The following GALNT9 variants were observed in gnomAD, a reference collection of about 807,000 sequenced individuals.
GALNT9 encodes the protein polypeptide N-acetylgalactosaminyltransferase 9, also known as GalNAc transferase 9.
GALNT9 carries 47 observed loss-of-function variants against 63.1 expected under a neutral mutation model. That is an observed-to-expected ratio of 0.75 (90% CI 0.59 to 0.95). The LOEUF (loss-of-function observed/expected upper bound fraction) is 0.95. Among genes scored for constraint, GALNT9 ranks in the 40% least tolerant of loss-of-function variants. The probability of loss-of-function intolerance (pLI) is 0.00; values close to 1 mark genes in which losing one functional copy is unlikely to be tolerated. For synonymous variants in GALNT9, 396 were observed against 365.7 expected, an observed-to-expected ratio of 1.08 and a Z score of -0.94; for missense variants, 829 against 874.8, an observed-to-expected ratio of 0.95 and a Z score of 0.66.
At chr12:132,295,504 T>G (rs1881024272) in intron 1 of GALNT9, among the ~76,000 whole-genome samples, 1 of 152,180 alleles carries the variant, frequency 6.6e-6, no homozygotes, top group Non-Finnish European at 1.5e-5. Context: ...TCGGGTGGGC[T>G]CTGAGCCAAA....
At chr12:132,324,227 G>A (rs1349742220) in intron 1 of GALNT9, among the ~76,000 whole-genome samples, 1 of 152,124 alleles carries the variant, frequency 6.6e-6, no homozygotes, top group South Asian at 2.1e-4. Context: ...CGGAGCTCTC[G>A]AGGGAGAGTG....
In GALNT9 at chr12:132,222,620, G is replaced by A. The variant is rs1380203911; in HGVS notation, c.1078-18930C>T. ...AAGAAAGATGCAGCCGACGATGCGT[G>A]GAGCACTCAGGCTNGTTAGCCACGG... On this transcript the variant is annotated intron_variant, in intron 6 of 10. Coordinates refer to ENST00000328957, the MANE Select transcript of GALNT9 (RefSeq NM_001122636.2). Among the ~76,000 whole-genome samples the A allele has an allele frequency of 7.2e-5, 11 of 152,062 alleles. No individual in the cohort carries two copies. The East Asian group carries it at 2.1e-3, about 29-fold the overall frequency.
intron 6 of GALNT9, among the ~76,000 whole-genome samples, chr12:132,229,613 G>A: frequency 6.6e-6 from 1 of 152,240 alleles, no homozygotes; most frequent in East Asian, 1.9e-4. Flanking sequence ...CTGGGAGAGA[G>A]GCCGCCTGTG....
At chr12:132,208,545 G>T (rs578093182) in intron 6 of GALNT9, among the ~76,000 whole-genome samples, 4 of 152,198 alleles carry the variant, frequency 2.6e-5, no homozygotes, top group Non-Finnish European at 2.9e-5. Flanking sequence ...CACTCACACC[G>T]ATCTCTGTCT....
chr12:132,235,416 A>G (rs1483922107), intron 6 of GALNT9, among the ~76,000 whole-genome samples: 1 of 152,154 alleles, frequency 6.6e-6, no homozygotes, highest in Non-Finnish European at 1.5e-5. Context: ...AGAGGTGGAC[A>G]GGAGGAGAGA....
intron 1 of GALNT9, among the ~76,000 whole-genome samples, chr12:132,305,182 C>T (rs1239596408): frequency 3.9e-5 from 2 of 51,192 alleles, no homozygotes; most frequent in Non-Finnish European, 6.7e-5. Flanking sequence ...CCCGGGCACA[C>T]GCTCACCCAG....
intron 1 of GALNT9, among the ~76,000 whole-genome samples, chr12:132,287,864 A>G (rs1880665322): frequency 6.6e-6 from 1 of 151,920 alleles, no homozygotes; most frequent in African/African-American, 2.4e-5. Flanking sequence ...CCCCACAAAG[A>G]TGGCACCATT....
At chr12:132,215,136 T>C (rs867951199) in intron 6 of GALNT9, among the ~76,000 whole-genome samples, 3 of 152,060 alleles carry the variant, frequency 2.0e-5, no homozygotes, top group Non-Finnish European at 4.4e-5. Flanking sequence ...AGACGCCGGG[T>C]CTCCGCAGCT....
chr12:132,245,903 G>T lies in GALNT9; in HGVS notation c.1077+2007C>A, dbSNP rs1878690374. 6.6e-6 allele frequency among the ~76,000 whole-genome samples: 1 copy of T among 152,186 alleles called. No homozygotes were observed. The highest frequency in any genetic ancestry group is 2.1e-4 in the South Asian group (1 of 4,824). On this transcript the variant is annotated intron_variant, in intron 6 of 10. Coordinates refer to ENST00000328957, the MANE Select transcript of GALNT9 (RefSeq NM_001122636.2). The surrounding 1 kb of genome is among the most constrained non-coding windows in gnomAD (Gnocchi z 6.3). ...GTCCCCAGGACCACATCTGCTGGGT[G>T]CCCTCCACCCCAGGGGTCCCGTCCT...
chr12:132,207,869 T>C (rs968855204), intron 6 of GALNT9, among the ~76,000 whole-genome samples: 5 of 152,090 alleles, frequency 3.3e-5, no homozygotes, highest in Non-Finnish European at 7.4e-5. Flanking sequence ...CAACATCCCC[T>C]TTCCAATCCC....
chr12:132,288,210 C>T (rs182555406), intron 1 of GALNT9, among the ~76,000 whole-genome samples: 2 of 152,176 alleles, frequency 1.3e-5, no homozygotes, highest in Non-Finnish European at 2.9e-5. Flanking sequence ...CTCCGCCCCC[C>T]ACAGGGCAGT....
In GALNT9 at chr12:132,238,085, T is replaced by C. The variant is rs1878069282; in HGVS notation, c.1077+9825A>G. The stretch of plus-strand genomic sequence containing the variant: ...GGAGGTCACGTGTGTTTCCTGTGGC[T>C]GCCGTCCGCCACGAATTCCACAGCT... On this transcript the variant is annotated intron_variant, in intron 6 of 10. Transcript: ENST00000328957. The surrounding 1 kb of genome is among the most constrained non-coding windows in gnomAD (Gnocchi z 6.5). 6.6e-6 allele frequency among the ~76,000 whole-genome samples: 1 copy of C among 152,188 alleles called. No homozygotes were observed. Among genetic ancestry groups the C allele is most frequent in the South Asian group, 2.1e-4 (1 of 4,828 alleles).
chr12:132,256,606 AG>A (rs782402293), intron 5 of GALNT9, among the ~76,000 whole-genome samples: 324 of 69,176 alleles, frequency 4.7e-3, no homozygotes, highest in Non-Finnish European at 7.1e-3. Context: ...GGGACAGTGG[AG>A]GGGGAACACT....
chr12:132,230,072 C>T lies in GALNT9; in HGVS notation c.1077+17838G>A, dbSNP rs1406888685. Among the ~76,000 whole-genome samples, 5 of 152,302 alleles carry T rather than the reference C, an allele frequency of 3.3e-5. No homozygotes were observed. In the East Asian group the frequency reaches 7.7e-4, roughly 24 times the overall value. On this transcript the variant is annotated intron_variant, in intron 6 of 10. Transcript: ENST00000328957. ...GGCTGCATCCATCAACAGTCGCCAC[C>T]GGGTCATCCAAGGTGGGGCACAGAG...
intron 6 of GALNT9, among the ~76,000 whole-genome samples, chr12:132,212,913 C>T (rs1438200347): frequency 5.1e-5 from 6 of 116,548 alleles, no homozygotes; most frequent in African/African-American, 2.0e-4. Context: ...CTGCAGCTCT[C>T]AGACCGTGAC....
Position 132,196,730 on chromosome 12 carries a change from C to G in GALNT9, c.*377G>C. The G allele has an allele frequency of 4.9e-6, 5 of 1,017,782 alleles. No homozygotes were observed. Among genetic ancestry groups the G allele is most frequent in the Non-Finnish European group, 5.9e-6 (5 of 851,018 alleles). The allele number at this position is 1,017,782 out of a possible 1,614,324, so 63.0% of individuals were successfully genotyped here. A position where few individuals can be genotyped will look rare whatever the true frequency, so the allele number is the denominator to read the frequency against. On this transcript the variant is annotated 3_prime_UTR_variant, in exon 11 of 11. Transcript: ENST00000328957. ...ATGGGAGGCCTGCGGGTGGAAGACA[C>G]CAGGGTGCAGCCTGGTGCATGGTCC...
At chr12:132,214,530 C>T (rs998768915) in intron 6 of GALNT9, among the ~76,000 whole-genome samples, 1 of 152,236 alleles carries the variant, frequency 6.6e-6, no homozygotes, top group Non-Finnish European at 1.5e-5. Context: ...CTGTCCTTCA[C>T]TCTGGGCTAC....
intron 9 of GALNT9, among the ~76,000 whole-genome samples, chr12:132,198,949 C>T (rs1282730747): frequency 6.6e-6 from 1 of 152,156 alleles, no homozygotes; most frequent in Non-Finnish European, 1.5e-5. Flanking sequence ...CTGCACCCGG[C>T]CCAGGCTGTT....
In GALNT9 at chr12:132,296,053, T is replaced by A. The variant is rs61945660; in HGVS notation, c.239-9623A>T. 0.16 allele frequency among the ~76,000 whole-genome samples: 21,515 copies of A among 133,028 alleles called. 1,666 individuals are homozygous for A. Among genetic ancestry groups the A allele is most frequent in the Middle Eastern group, 0.27 (61 of 224 alleles). The allele number at this position is 133,028 out of a possible 152,430, so 87.3% of individuals were successfully genotyped here. On this transcript the variant is annotated intron_variant, in intron 1 of 10. Transcript: ENST00000328957. This position sits in a 1 kb window ranked among gnomAD's most constrained non-coding sequence, Gnocchi z 4.2. Reference sequence around the variant, plus strand: ...GAGCCTCCAGAACAGGGAGAGCCTCTGAACAGGGAGAGGCTCCGGAACAGG... The same window carrying A: ...GAGCCTCCAGAACAGGGAGAGCCTCAGAACAGGGAGAGGCTCCGGAACAGG...
Sources: gnomAD v4.1 joint callset for allele counts (sites outside exome capture counted in the v4.1 genomes callset) on GRCh38, gnomAD v4.1.1 for gene constraint, Gnocchi (gnomAD v3.1) non-coding constraint, MANE v1.5 for transcripts, NCBI Gene and HGNC (gene_info 2026-07-23, HGNC 2026-07-21) for gene names.